Variants in EML4 observed in about 807,000 individuals in gnomAD.
The protein encoded by EML4 is echinoderm microtubule-associated protein-like 4.
In EML4, 72 loss-of-function variants were observed where a neutral mutation model predicts 129.0. The observed-to-expected ratio is 0.56, with a 90% CI of 0.46 to 0.68. The LOEUF (loss-of-function observed/expected upper bound fraction) is 0.68, where lower values mean the gene tolerates loss of function less well. EML4 is among the 30% of genes least tolerant of loss of function. The pLI is 0.00. For synonymous variants in EML4, 532 were observed against 405.0 expected, an observed-to-expected ratio of 1.31 and a Z score of -3.77; for missense variants, 1,363 against 1,190.6, an observed-to-expected ratio of 1.14 and a Z score of -2.13.
chr2:42,206,537 T>G (rs1672553365), intron 1 of EML4, among the ~76,000 whole-genome samples: 1 of 152,206 alleles, frequency 6.6e-6, no homozygotes, highest in Admixed American at 6.5e-5. Context: ...TATGCCTAGT[T>G]TTATGTCTAG....
chr2:42,223,831 T>G (rs1673776081), intron 1 of EML4, among the ~76,000 whole-genome samples: 1 of 152,130 alleles, frequency 6.6e-6, no homozygotes, highest in South Asian at 2.1e-4. Context: ...AAAGTTGAAG[T>G]TGCCCTTATC....
Position 42,241,336 on chromosome 2 carries a change from C to T in EML4, c.26-4169C>T, listed in dbSNP as rs193047672. Among the ~76,000 whole-genome samples the T allele has an allele frequency of 3.2e-4, 49 of 152,268 alleles. 1 individual carries two copies. Among genetic ancestry groups the T allele is most frequent in the African/African-American group, 1.1e-3 (46 of 41,552 alleles). ...GAACTCTGGTGATAACTACTATGCT[C>T]TGTTACATTGCCATTGCTTGTTGCC... On this transcript the variant is annotated intron_variant, in intron 1 of 22. Coordinates refer to ENST00000318522, the MANE Select transcript of EML4 (RefSeq NM_019063.5).
intron 1 of EML4, among the ~76,000 whole-genome samples, chr2:42,241,913 A>G (rs1260002387): frequency 6.6e-6 from 1 of 152,188 alleles, no homozygotes; most frequent in East Asian, 1.9e-4. Context: ...GAAAGGCACA[A>G]TATAAATGCA....
chr2:42,307,432 A>T (rs1348240182), intron 17 of EML4, among the ~76,000 whole-genome samples: 1 of 152,214 alleles, frequency 6.6e-6, no homozygotes, highest in Non-Finnish European at 1.5e-5. Flanking sequence ...TGTAGTTGTC[A>T]GTGTTCATTC....
intron 2 of EML4, among the ~76,000 whole-genome samples, chr2:42,255,231 G>A (rs1463375050): frequency 2.6e-5 from 4 of 151,814 alleles, no homozygotes; most frequent in African/African-American, 4.8e-5. Context: ...GACTACAGGC[G>A]CTCGCCACCA....
intron 20 of EML4, 45 bp downstream of exon 20, chr2:42,325,599 TA>T: frequency 8.0e-6 from 1 of 124,284 alleles, no homozygotes; most frequent in African/African-American, 4.4e-5. Flanking sequence ...GCTATGATTA[TA>T]TTTATATATA....
intron 1 of EML4, among the ~76,000 whole-genome samples, chr2:42,236,470 T>A (rs1249809906): frequency 2.0e-5 from 3 of 152,254 alleles, no homozygotes; most frequent in African/African-American, 7.2e-5. Flanking sequence ...CCACCTGTTT[T>A]ATAAATGAAG....
At chr2:42,260,018 C>G (rs1313077004) in intron 3 of EML4, among the ~76,000 whole-genome samples, 1 of 151,084 alleles carries the variant, frequency 6.6e-6, no homozygotes, top group Admixed American at 6.6e-5. Context: ...GCGTGAGCCA[C>G]TGTGCCTGGC....
At chr2:42,274,812 C>T (rs2104438452) in intron 6 of EML4, among the ~76,000 whole-genome samples, 1 of 152,126 alleles carries the variant, frequency 6.6e-6, no homozygotes, top group Admixed American at 6.6e-5. Flanking sequence ...AGAGCAAAAC[C>T]CAAGGAAACT....
intron 6 of EML4, among the ~76,000 whole-genome samples, chr2:42,276,479 A>G (rs1666663991): frequency 1.3e-5 from 2 of 152,226 alleles, no homozygotes; most frequent in African/African-American, 4.8e-5. Flanking sequence ...TGTACATAAT[A>G]GACTCAGCAG....
At chr2:42,230,057 C>T (rs1416250789) in intron 1 of EML4, among the ~76,000 whole-genome samples, 5 of 152,128 alleles carry the variant, frequency 3.3e-5, no homozygotes, top group African/African-American at 4.8e-5. Context: ...CTACACGAAA[C>T]TTCTAATAAA....
chr2:42,304,169 C>G (rs1174291545), intron 16 of EML4, among the ~76,000 whole-genome samples: 3 of 152,134 alleles, frequency 2.0e-5, no homozygotes, highest in African/African-American at 7.2e-5. Context: ...TCCACCTTCT[C>G]TAGCCCAAGA....
chr2:42,315,957 A>G lies in EML4; in HGVS notation c.1968-5A>G, dbSNP rs1194293552. ...AAGAAAATTTTGATTTTTACTTCTT[A>G]ACAGGTGGTTTGTTCTGGATGCAGA... On this transcript the variant is annotated splice_polypyrimidine_tract_variant and splice_region_variant and intron_variant, in intron 17 of 22. Transcript: ENST00000318522. 1 of 1,604,132 alleles carries G rather than the reference A, an allele frequency of 6.2e-7. No homozygotes were observed. Among genetic ancestry groups the G allele is most frequent in the East Asian group, 2.2e-5 (1 of 44,840 alleles).
At chr2:42,189,878 T>C (rs191108861) in intron 1 of EML4, among the ~76,000 whole-genome samples, 12 of 152,208 alleles carry the variant, frequency 7.9e-5, no homozygotes, top group Admixed American at 4.6e-4. Context: ...TATTTAATTA[T>C]ATAGCTATAT....
At chr2:42,195,789 A>G (rs917546707) in intron 1 of EML4, among the ~76,000 whole-genome samples, 1 of 152,218 alleles carries the variant, frequency 6.6e-6, no homozygotes, top group African/African-American at 2.4e-5. Flanking sequence ...TATTTACTAC[A>G]GGAAGCCTGG....
chr2:42,284,275 T>G (rs758846448), intron 8 of EML4, among the ~76,000 whole-genome samples: 16 of 152,174 alleles, frequency 1.1e-4, no homozygotes, highest in Non-Finnish European at 2.2e-4. Flanking sequence ...TTTAATAGAT[T>G]AAAATTAAAC....
chr2:42,295,612 A>T, intron 13 of EML4, 96 bp downstream of exon 13: 1 of 1,062,836 alleles, frequency 9.4e-7, no homozygotes, highest in Non-Finnish European at 1.3e-6. Context: ...GCTGCAGTGT[A>T]ACAATATGAG....
At chr2:42,226,340 A>G (rs918258955) in intron 1 of EML4, among the ~76,000 whole-genome samples, 1 of 152,084 alleles carries the variant, frequency 6.6e-6, no homozygotes, top group Admixed American at 6.6e-5. Flanking sequence ...ATCTATTGTA[A>G]ATCATAGTTT....
intron 6 of EML4, among the ~76,000 whole-genome samples, chr2:42,280,053 A>C (rs1666920668): frequency 6.6e-6 from 1 of 152,090 alleles, no homozygotes. Flanking sequence ...CCCGTTCTGT[A>C]GGTGGCCTTT....
Sources: gnomAD v4.1 joint callset for allele counts (sites outside exome capture counted in the v4.1 genomes callset) on GRCh38, gnomAD v4.1.1 for gene constraint, MANE v1.5 for transcripts, NCBI Gene and HGNC (gene_info 2026-07-23, HGNC 2026-07-21) for gene names.